DMD: variants seen among roughly 807,000 people sequenced by gnomAD.
DMD encodes dystrophin, also known as mutant dystrophin.
A neutral mutation model predicts 330.1 loss-of-function variants in DMD; 63 were observed. The ratio of observed to expected loss-of-function variants is 0.19; its 90% CI spans 0.16 to 0.24. DMD has a LOEUF of 0.24. DMD is among the 10% of genes least tolerant of loss of function. DMD has a pLI of 1.00. For synonymous variants in DMD, 1,223 were observed against 959.8 expected (o/e 1.27, Z -5.07); for missense variants, 3,344 against 2,684.1 (o/e 1.25, Z -5.43).
chrX:32,528,368 T>A (rs2047121352), intron 17 of DMD, among the ~76,000 whole-genome samples: 1 of 112,152 alleles, frequency 8.9e-6, no homozygotes, highest in Admixed American at 9.4e-5. Context: ...ACCACAGGTT[T>A]TAATCCCTAA....
chrX:31,462,412 G>T (rs1031574685), intron 59 of DMD, among the ~76,000 whole-genome samples: 1 of 111,425 alleles, frequency 9.0e-6, no homozygotes, highest in East Asian at 2.8e-4. Flanking sequence ...CCTGGGAGGC[G>T]GAGGTTGCAG....
intron 17 of DMD, among the ~76,000 whole-genome samples, chrX:32,543,713 TA>T (rs1229480444): frequency 3.6e-5 from 4 of 111,973 alleles, no homozygotes; most frequent in Admixed American, 1.9e-4. Context: ...CCATCGTGAG[TA>T]GAGTGCTTGG....
At chrX:32,895,705 G>T (rs1397054783) in intron 2 of DMD, among the ~76,000 whole-genome samples, 1 of 111,681 alleles carries the variant, frequency 9.0e-6, no homozygotes, top group Non-Finnish European at 1.9e-5. Flanking sequence ...GCCTTAGCAA[G>T]AAGAATTGGA....
chrX:31,268,081 G>GC (rs1386993701), intron 62 of DMD, among the ~76,000 whole-genome samples: 1 of 111,826 alleles, frequency 8.9e-6, no homozygotes, highest in Non-Finnish European at 1.9e-5. Flanking sequence ...TAAGGGATGG[G>GC]GGTCTCACTG....
intron 12 of DMD, among the ~76,000 whole-genome samples, chrX:32,611,793 G>A (rs17243659): frequency 4.5e-5 from 5 of 111,848 alleles, no homozygotes; most frequent in South Asian, 3.7e-4. Context: ...TCAGTGTTAC[G>A]TGGCCTAATC....
intron 43 of DMD, among the ~76,000 whole-genome samples, chrX:32,245,201 C>A (rs1265185539): frequency 1.0e-5 from 1 of 96,790 alleles, no homozygotes. Flanking sequence ...CTTCCCAGCA[C>A]CATTTATTAA....
chrX:32,765,817 G>A (rs915927945), intron 7 of DMD, among the ~76,000 whole-genome samples: 1 of 111,576 alleles, frequency 9.0e-6, no homozygotes, highest in African/African-American at 3.3e-5. Flanking sequence ...AAATGTCTAC[G>A]CTTTCTTCTA....
At chrX:31,790,114 T>G (rs1040685580) in intron 50 of DMD, among the ~76,000 whole-genome samples, 2 of 112,056 alleles carry the variant, frequency 1.8e-5, no homozygotes, top group Non-Finnish European at 3.8e-5. Context: ...TTAATCATTG[T>G]GATTTTAACA....
At chrX:32,733,226 A>G (rs2067963019) in intron 7 of DMD, among the ~76,000 whole-genome samples, 1 of 111,447 alleles carries the variant, frequency 9.0e-6, no homozygotes, top group South Asian at 3.8e-4. Flanking sequence ...TCCTAAATAT[A>G]TATGCACCCA....
At chrX:32,132,943 C>G (rs2096704325) in intron 44 of DMD, among the ~76,000 whole-genome samples, 1 of 106,776 alleles carries the variant, frequency 9.4e-6, no homozygotes, top group African/African-American at 3.5e-5. Context: ...TTTGAGGACA[C>G]CACACACTTT....
intron 1 of DMD, among the ~76,000 whole-genome samples, chrX:33,121,530 G>A (rs1187951646): frequency 8.9e-6 from 1 of 112,101 alleles, no homozygotes; most frequent in Non-Finnish European, 1.9e-5. Context: ...ACCACGCCTG[G>A]CCTATCATTC....
At chrX:33,182,468 C>T (rs1164850736) in intron 1 of DMD, among the ~76,000 whole-genome samples, 1 of 109,733 alleles carries the variant, frequency 9.1e-6, no homozygotes, top group East Asian at 2.9e-4. Context: ...GATGAGGTCT[C>T]ACTCTGTTGT....
chrX:32,505,479 A>C (rs2148715545), intron 18 of DMD, among the ~76,000 whole-genome samples: 1 of 112,432 alleles, frequency 8.9e-6, no homozygotes, highest in Admixed American at 9.4e-5. Flanking sequence ...CACACCTATT[A>C]GAATGGCCAA....
chrX:31,855,174 T>A (rs930087015), intron 48 of DMD, among the ~76,000 whole-genome samples: 1 of 95,375 alleles, frequency 1.0e-5, no homozygotes. Flanking sequence ...ACGCTATGTC[T>A]CTTAACATTC....
At chrX:32,208,409 G>A (rs757427364) in intron 44 of DMD, among the ~76,000 whole-genome samples, 14 of 111,850 alleles carry the variant, frequency 1.3e-4, no homozygotes, top group Admixed American at 2.9e-4. Flanking sequence ...CTTTACAAAA[G>A]GAGCCAGGCT....
At chrX:32,315,980 A>G (rs974421743) in intron 41 of DMD, among the ~76,000 whole-genome samples, 1 of 111,669 alleles carries the variant, frequency 9.0e-6, no homozygotes, top group African/African-American at 3.2e-5. Context: ...CATTTTTTAC[A>G]AACTTTTAAA....
intron 7 of DMD, chrX:32,754,855 A>T (rs2071302341): frequency 9.0e-6 from 1 of 111,573 alleles, no homozygotes; most frequent in Non-Finnish European, 1.9e-5. Context: ...TCCCACTATC[A>T]TTGTGACTTC....
chrX:31,818,750 A>AG (rs1371197523), intron 50 of DMD, among the ~76,000 whole-genome samples: 1 of 110,795 alleles, frequency 9.0e-6, no homozygotes, highest in East Asian at 2.8e-4. Context: ...TGACAAAAAA[A>AG]AAAAACCATA....
chrX:32,827,560 T>A (rs1193070281), intron 4 of DMD, among the ~76,000 whole-genome samples: 1 of 111,134 alleles, frequency 9.0e-6, no homozygotes, highest in African/African-American at 3.3e-5. Context: ...TGATAGGTAG[T>A]TTTTCTGATC....
Sources: gnomAD v4.1 joint callset for allele counts (sites outside exome capture counted in the v4.1 genomes callset) on GRCh38, gnomAD v4.1.1 for gene constraint, MANE v1.5 for transcripts, NCBI Gene and HGNC (gene_info 2026-07-23, HGNC 2026-07-21) for gene names.